The following NUP205 variants were observed in gnomAD, a reference collection of about 807,000 sequenced individuals.
NUP205 encodes the protein nucleoporin 205.
A neutral mutation model predicts 253.8 loss-of-function variants in NUP205; 76 were observed. The ratio of observed to expected loss-of-function variants is 0.30; its 90% CI spans 0.25 to 0.36. NUP205 has a LOEUF of 0.36. NUP205 is among the 10% of genes least tolerant of loss of function. The pLI is 1.00. For missense variants in NUP205, 2,162 were observed against 2,425.5 expected, an observed-to-expected ratio of 0.89 and a Z score of 2.28; for synonymous variants, 832 against 850.1, an observed-to-expected ratio of 0.98 and a Z score of 0.37.
chr7:135,572,952 T>G (rs1342346217), intron 2 of NUP205, among the ~76,000 whole-genome samples: 1 of 148,488 alleles, frequency 6.7e-6, no homozygotes, highest in Non-Finnish European at 1.5e-5. Flanking sequence ...CTTTTTTTTT[T>G]TTTTCTTTTT....
At chr7:135,577,749 G>C (rs1416396501) in intron 5 of NUP205, 47 bp from the exon 6 acceptor site, 5 of 1,403,192 alleles carry the variant, frequency 3.6e-6, no homozygotes, top group Non-Finnish European at 5.0e-6. Flanking sequence ...ATAAGACCAG[G>C]CTTCACTGTA....
intron 33 of NUP205, 35 bp downstream of exon 33, chr7:135,626,396 C>T (rs1448139126): frequency 6.3e-7 from 1 of 1,587,644 alleles, no homozygotes; most frequent in Non-Finnish European, 8.6e-7. Context: ...GGTTAAACTC[C>T]CAGTAAAGGA....
At chr7:135,631,524 T>C (rs1406192391) in intron 35 of NUP205, among the ~76,000 whole-genome samples, 4 of 152,226 alleles carry the variant, frequency 2.6e-5, no homozygotes, top group Non-Finnish European at 5.9e-5. Context: ...CTTTTACACT[T>C]CCTCTTCCAC....
At chr7:135,587,492 C>T in intron 8 of NUP205, 83 bp from the exon 9 acceptor site, 7 of 722,286 alleles carry the variant, frequency 9.7e-6, no homozygotes, top group Non-Finnish European at 1.5e-5. Context: ...TATGTAGTCA[C>T]TTTAAGACAG....
chr7:135,608,247 A>G (rs1794131182), intron 22 of NUP205, among the ~76,000 whole-genome samples: 1 of 152,056 alleles, frequency 6.6e-6, no homozygotes, highest in African/African-American at 2.4e-5. Flanking sequence ...GATGGTCTCA[A>G]TCTCTTGACT....
Position 135,614,213 on chromosome 7 carries a change from T to G in NUP205, c.3250T>G (p.Leu1084Val). 1 of 1,612,708 alleles carries G rather than the reference T, an allele frequency of 6.2e-7. No homozygotes were observed. The highest frequency in any genetic ancestry group is 8.5e-7 in the Non-Finnish European group (1 of 1,178,828). The change falls in exon 23 of 43, where the codon TTG becomes GTG. Residue 1084 changes from leucine (L) to valine (V), a missense_variant. By Grantham distance (32) the Leu-to-Val change is conservative. Transcript: ENST00000285968. ...SDTSGPTMRYLRTSQDFLFSQ... is the reference protein window; with the variant it reads ...SDTSGPTMRYVRTSQDFLFSQ... ...TACATCTGGTCCTACTATGAGGTAC[T>G]TGAGAACCAGCCAGGATTTCTTATT... is the stretch of plus-strand genomic sequence containing the variant.
rs79592715 is a variant in NUP205, at chr7:135,644,578, A to C, written c.5560-317A>C. On this transcript the variant is annotated intron_variant, in intron 39 of 42. Transcript: ENST00000285968. The stretch of plus-strand genomic sequence containing the variant: ...AATTCTCCATGGGATTGTTATAGCT[A>C]CTGTTTGAAAAACCTATCATTTTGT... 0.05 allele frequency among the ~76,000 whole-genome samples: 7,573 copies of C among 152,274 alleles called. 405 individuals are homozygous for C. Among genetic ancestry groups the C allele is most frequent in the African/African-American group, 0.13 (5,587 of 41,536 alleles).
intron 22 of NUP205, among the ~76,000 whole-genome samples, chr7:135,610,587 C>CAGAA (rs202173314): frequency 0.039 from 5,982 of 152,224 alleles, 230 homozygotes; most frequent in African/African-American, 0.099. Context: ...GCATTATCTC[C>CAGAA]TAGGAGCTTA....
At chr7:135,592,011 G>A (rs1041967100) in intron 11 of NUP205, among the ~76,000 whole-genome samples, 1 of 152,082 alleles carries the variant, frequency 6.6e-6, no homozygotes, top group Non-Finnish European at 1.5e-5. Context: ...TTTCAGACTG[G>A]TTTGGTTAGA....
At position 135,607,388 on chromosome 7, in the gene NUP205, G is replaced by A. The variant is rs1425584728; in HGVS notation, c.3195+17G>A. On this transcript the variant is annotated intron_variant, in intron 22 of 42. Coordinates refer to ENST00000285968, the MANE Select transcript of NUP205 (RefSeq NM_015135.3). ...TGTTACCAGGTACACAGAAAACTGC[G>A]TTTTGTGGTACTGAATAGAAGAAAC... 14 of 1,611,334 alleles carry A rather than the reference G, an allele frequency of 8.7e-6. No individual in the cohort carries two copies. The highest frequency in any genetic ancestry group is 3.3e-5 in the Admixed American group (2 of 59,724).
chr7:135,581,685 C>T (rs189832352), intron 7 of NUP205, among the ~76,000 whole-genome samples: 7 of 152,010 alleles, frequency 4.6e-5, no homozygotes, highest in African/African-American at 1.4e-4. Flanking sequence ...AAGCCCATCT[C>T]CACTAAAAAC....
At chr7:135,564,993 T>C (rs1238944419) in intron 1 of NUP205, among the ~76,000 whole-genome samples, 5 of 152,124 alleles carry the variant, frequency 3.3e-5, no homozygotes, top group Non-Finnish European at 7.4e-5. Context: ...GGTCTCGAAC[T>C]CCTGACCTCA....
chr7:135,631,282 A>G (rs1240369504), intron 35 of NUP205, among the ~76,000 whole-genome samples: 1 of 152,236 alleles, frequency 6.6e-6, no homozygotes, highest in Non-Finnish European at 1.5e-5. Context: ...TGAATTTTAC[A>G]TGAACACAGA....
At chr7:135,606,971 G>A (rs1794099970) in intron 21 of NUP205, 56 bp downstream of exon 21, 2 of 1,498,716 alleles carry the variant, frequency 1.3e-6, no homozygotes, top group African/African-American at 1.4e-5. Context: ...TATCTCAGGG[G>A]TCACTGATTG....
intron 2 of NUP205, among the ~76,000 whole-genome samples, chr7:135,573,280 TCTG>T (rs1188941270): frequency 4.6e-5 from 7 of 152,246 alleles, no homozygotes; most frequent in African/African-American, 1.7e-4. Context: ...TGTTACTTGC[TCTG>T]CTAAGTAATT....
At chr7:135,637,803 T>C (rs950074211) in intron 36 of NUP205, 128 bp from the exon 37 acceptor site, 1 of 777,958 alleles carries the variant, frequency 1.3e-6, no homozygotes, top group African/African-American at 1.8e-5. Flanking sequence ...TTGGCTCAGT[T>C]TTAAGTAAGA....
intron 1 of NUP205, 105 bp downstream of exon 1, chr7:135,558,077 C>A: frequency 2.1e-6 from 2 of 951,662 alleles, no homozygotes; most frequent in Admixed American, 3.5e-5. Flanking sequence ...CACTTATGTG[C>A]GGTGCCTGCT....
At chr7:135,623,822 G>A (rs188818271) in intron 31 of NUP205, among the ~76,000 whole-genome samples, 5 of 152,154 alleles carry the variant, frequency 3.3e-5, no homozygotes, top group Non-Finnish European at 5.9e-5. Flanking sequence ...TCGCTCTGTC[G>A]CCCCGGCTAG....
At chr7:135,583,107 A>T (rs1340104691) in intron 7 of NUP205, among the ~76,000 whole-genome samples, 1 of 152,068 alleles carries the variant, frequency 6.6e-6, no homozygotes, top group Non-Finnish European at 1.5e-5. Context: ...ATAATAAATA[A>T]ATAATAAAAA....
Sources: gnomAD v4.1 joint callset for allele counts (sites outside exome capture counted in the v4.1 genomes callset) on GRCh38, gnomAD v4.1.1 for gene constraint, MANE v1.5 for transcripts, NCBI Gene and HGNC (gene_info 2026-07-23, HGNC 2026-07-21) for gene names.